MUCL1: variants seen among roughly 807,000 people sequenced by gnomAD.
The protein encoded by MUCL1 is mucin like 1, also known as mucin-like protein 1.
Under a neutral mutation model 9.2 loss-of-function variants are expected in MUCL1, and 11 were observed. The observed-to-expected ratio is 1.19, with a 90% confidence interval of 0.75 to 1.97. The LOEUF (loss-of-function observed/expected upper bound fraction) is 1.97. Among genes scored for constraint, MUCL1 ranks in the 30% most tolerant of loss-of-function variants. MUCL1 has a pLI of 0.00. For missense variants in MUCL1, 144 were observed against 110.9 expected (o/e 1.30, Z -1.34); for synonymous variants, 48 against 40.5 (o/e 1.19, Z -0.71).
At chr12:54,855,223 A>C (rs1868290326) in intron 2 of MUCL1, 66 bp downstream of exon 2, 1 of 1,405,322 alleles carries the variant, frequency 7.1e-7, no homozygotes, top group African/African-American at 1.4e-5. Flanking sequence ...GCCTCATGTC[A>C]AACAGCCAGT....
chr12:54,850,024 G>A (rs1959313068), upstream of MUCL1, among the ~76,000 whole-genome samples: 1 of 152,148 alleles, frequency 6.6e-6, no homozygotes, highest in African/African-American at 2.4e-5. Context: ...AACCAGCACT[G>A]TTCTCTGCCA....
In MUCL1 at chr12:54,856,051, G is replaced by C. The variant is rs151016984; in HGVS notation, c.101-719G>C. Among the ~76,000 whole-genome samples, 330 of 152,312 alleles carry C rather than the reference G, an allele frequency of 2.2e-3. 3 individuals are homozygous for C. Among genetic ancestry groups the C allele is most frequent in the Middle Eastern group, 0.014 (4 of 294 alleles). On this transcript the variant is annotated intron_variant, in intron 2 of 3. Transcript: ENST00000308796. ...CAATAGCTCTTGTGTAAGGTCTAGA[G>C]AGAGAGAGATAATTTTCAAAACTCT...
upstream of MUCL1, among the ~76,000 whole-genome samples, chr12:54,835,388 C>T (rs556143476): frequency 7.2e-5 from 11 of 152,128 alleles, no homozygotes; most frequent in Admixed American, 2.6e-4. Flanking sequence ...GTGTAAGCAT[C>T]CCCTTTTCAC....
chr12:54,838,305 T>G (rs971214196), upstream of MUCL1, among the ~76,000 whole-genome samples: 1 of 152,214 alleles, frequency 6.6e-6, no homozygotes, highest in Admixed American at 6.5e-5. Context: ...CTGCTGTTAG[T>G]TTGATATGTT....
At chr12:54,838,097 C>T (rs1454398629), upstream of MUCL1, among the ~76,000 whole-genome samples, 1 of 152,186 alleles carries the variant, frequency 6.6e-6, no homozygotes, top group East Asian at 1.9e-4. Context: ...TTGGGAACTC[C>T]TTTTAGCATT....
At chr12:54,830,740 C>T (rs925650087) in exon 1 of MUCL1, 4 of 152,192 alleles carry the variant, frequency 2.6e-5, no homozygotes, top group African/African-American at 9.7e-5. Context: ...GTCACTTGAA[C>T]TATAGACCCC....
At chr12:54,842,932 G>C (rs1406010537) in intron 1 of MUCL1, among the ~76,000 whole-genome samples, 3 of 152,048 alleles carry the variant, frequency 2.0e-5, no homozygotes, top group Non-Finnish European at 2.9e-5. Flanking sequence ...TGTTTTTACT[G>C]TATCTTTTCT....
upstream of MUCL1, among the ~76,000 whole-genome samples, chr12:54,849,613 G>A (rs1257766850): frequency 6.6e-6 from 1 of 151,896 alleles, no homozygotes; most frequent in African/African-American, 2.4e-5. Flanking sequence ...TACAATATAT[G>A]ATTTTATATA....
chr12:54,855,809 G>A (rs10876638), intron 2 of MUCL1, among the ~76,000 whole-genome samples: 68,579 of 152,096 alleles, frequency 0.45, 16,472 homozygotes, highest in East Asian at 0.84. Context: ...TTTATCCTTC[G>A]CATCTTGGGA....
upstream of MUCL1, among the ~76,000 whole-genome samples, chr12:54,835,067 T>G (rs138969007): frequency 4.9e-4 from 75 of 152,238 alleles, no homozygotes; most frequent in Admixed American, 1.5e-3. Context: ...AGTTGCTAGT[T>G]GCTGCAAAAA....
At chr12:54,852,737 C>G (rs973029123), upstream of MUCL1, among the ~76,000 whole-genome samples, 6 of 152,246 alleles carry the variant, frequency 3.9e-5, no homozygotes, top group African/African-American at 1.2e-4. Flanking sequence ...GAAGACCCTT[C>G]AATTTGTGTC....
upstream of MUCL1, among the ~76,000 whole-genome samples, chr12:54,834,800 A>T (rs143657991): frequency 3.9e-3 from 600 of 152,088 alleles, 8 homozygotes; most frequent in Non-Finnish European, 3.9e-3. Context: ...GGTTATATGG[A>T]TGAATTGTAG....
At chr12:54,838,878 C>T (rs1959198661), upstream of MUCL1, among the ~76,000 whole-genome samples, 1 of 151,960 alleles carries the variant, frequency 6.6e-6, no homozygotes. Flanking sequence ...TCTTGTAACT[C>T]CTTGAGTGGC....
chr12:54,836,775 T>C (rs1403230590), upstream of MUCL1, among the ~76,000 whole-genome samples: 1 of 152,236 alleles, frequency 6.6e-6, no homozygotes, highest in African/African-American at 2.4e-5. Context: ...TTTTGATAAC[T>C]TGTGCAACTA....
chr12:54,844,421 C>T (rs1057229812), intron 1 of MUCL1, among the ~76,000 whole-genome samples: 1 of 152,134 alleles, frequency 6.6e-6, no homozygotes, highest in Non-Finnish European at 1.5e-5. Context: ...CCATGACACA[C>T]ATTTATAAAA....
chr12:54,831,533 C>G (rs925467253), intron 1 of MUCL1, among the ~76,000 whole-genome samples: 4 of 151,976 alleles, frequency 2.6e-5, no homozygotes, highest in African/African-American at 9.7e-5. Context: ...TGATGACTAA[C>G]TTTGCTTAAT....
upstream of MUCL1, among the ~76,000 whole-genome samples, chr12:54,835,124 C>A (rs1171751898): frequency 6.6e-6 from 1 of 152,104 alleles, no homozygotes; most frequent in Admixed American, 6.6e-5. Context: ...CCATGGTGTA[C>A]ATATACCACC....
At chr12:54,844,797 G>A (rs1182465514) in intron 1 of MUCL1, among the ~76,000 whole-genome samples, 1 of 152,068 alleles carries the variant, frequency 6.6e-6, no homozygotes, top group Non-Finnish European at 1.5e-5. Flanking sequence ...AAAGCTACAT[G>A]TTTTATGTTT....
chr12:54,851,654 G>A (rs964192400), upstream of MUCL1, among the ~76,000 whole-genome samples: 2 of 152,136 alleles, frequency 1.3e-5, no homozygotes, highest in Non-Finnish European at 2.9e-5. Flanking sequence ...GGAAGTTCTG[G>A]CCAGGGCGAT....
Sources: allele counts gnomAD v4.1 joint callset (sites outside exome capture counted in the v4.1 genomes callset), GRCh38; gene constraint gnomAD v4.1.1; transcripts MANE v1.5; gene names NCBI Gene and HGNC (gene_info 2026-07-23, HGNC 2026-07-21).